GLI3: variants seen among roughly 807,000 people sequenced by gnomAD.
GLI3 encodes GLI family zinc finger 3.
GLI3 carries 20 observed loss-of-function variants against 100.8 expected under a neutral mutation model. The observed-to-expected ratio is 0.20, with a 90% CI of 0.14 to 0.29. The LOEUF (loss-of-function observed/expected upper bound fraction) is 0.29, where lower values mean the gene tolerates loss of function less well. GLI3 is among the 10% of genes least tolerant of loss of function. The pLI is 1.00. For synonymous variants in GLI3, 938 were observed against 860.5 expected (o/e 1.09, Z -1.58); for missense variants, 2,040 against 2,128.5 (o/e 0.96, Z 0.82).
At chr7:42,055,029 A>T (rs1328172838) in intron 4 of GLI3, among the ~76,000 whole-genome samples, 2 of 137,850 alleles carry the variant, frequency 1.5e-5, no homozygotes, top group African/African-American at 5.5e-5. Flanking sequence ...ACATATACAC[A>T]TATATGTATA....
At position 41,965,736 on chromosome 7, in the gene GLI3, G is replaced by A; in HGVS notation, c.3337C>T (p.Pro1113Ser). 2 of 1,613,604 alleles carry A rather than the reference G, an allele frequency of 1.2e-6. No individual in the cohort carries two copies. The highest frequency in any genetic ancestry group is 1.7e-5 in the Admixed American group (1 of 60,024). The change falls in exon 15 of 15, where the codon CCC (proline) becomes TCC (serine). Residue 1113 changes from proline to serine, a missense_variant. Pro to Ser is a moderately conservative substitution (Grantham distance 74, BLOSUM62 -1). Around this residue, in one of 5 missense-constraint regions of GLI3, gnomAD observed 1,041 missense variants for 924.0 expected, o/e 1.13. Coordinates refer to ENST00000395925, the MANE Select transcript of GLI3 (RefSeq NM_000168.6). Reference protein sequence around the residue: ...QNQAGYEQHFPSALPDDSKVP... With the variant: ...QNQAGYEQHFSSALPDDSKVP... ...TTGCTGTCGTCCGGGAGGGCGCTGG[G>A]GAAGTGCTGCTCGTACCCTGCTTGG...
At chr7:42,214,353 G>C (rs1041970561) in intron 2 of GLI3, among the ~76,000 whole-genome samples, 2 of 152,022 alleles carry the variant, frequency 1.3e-5, no homozygotes, top group Non-Finnish European at 2.9e-5. Context: ...AGAGAGCAGG[G>C]AAAGAGATGA....
chr7:41,985,485 C>CTATTACTCTTTAGGTAG (rs1190549323), intron 10 of GLI3, among the ~76,000 whole-genome samples: 2 of 152,004 alleles, frequency 1.3e-5, no homozygotes, highest in South Asian at 4.2e-4. Context: ...TGTTATAAGC[C>CTATTACTCTTTAGGTAG]TATTACTCTT....
chr7:42,041,909 T>G, intron 6 of GLI3, among the ~76,000 whole-genome samples: 1 of 152,188 alleles, frequency 6.6e-6, no homozygotes, highest in East Asian at 1.9e-4. Context: ...CCTACTCAAA[T>G]TTTTCTTTCA....
At chr7:42,006,750 G>A (rs149055872) in intron 10 of GLI3, among the ~76,000 whole-genome samples, 4 of 152,132 alleles carry the variant, frequency 2.6e-5, no homozygotes, top group Non-Finnish European at 4.4e-5. Context: ...GTTTCTCAGG[G>A]GGAGACATTT....
At chr7:42,018,960 C>T (rs991783142) in intron 10 of GLI3, among the ~76,000 whole-genome samples, 1 of 152,144 alleles carries the variant, frequency 6.6e-6, no homozygotes, top group East Asian at 1.9e-4. Context: ...AAGGGCCCTG[C>T]AGGGTTATGC....
intron 3 of GLI3, among the ~76,000 whole-genome samples, chr7:42,138,688 G>A (rs1786488929): frequency 6.6e-6 from 1 of 152,200 alleles, no homozygotes; most frequent in African/African-American, 2.4e-5. Flanking sequence ...CAAACCAGAA[G>A]AAGAGCTGGC....
At chr7:42,174,580 C>T (rs1345297275) in intron 2 of GLI3, among the ~76,000 whole-genome samples, 4 of 152,158 alleles carry the variant, frequency 2.6e-5, no homozygotes, top group Non-Finnish European at 4.4e-5. Flanking sequence ...CTTTGCCCAA[C>T]GAGCTGGGAG....
At chr7:42,181,319 G>C (rs141284580) in intron 2 of GLI3, among the ~76,000 whole-genome samples, 1 of 152,312 alleles carries the variant, frequency 6.6e-6, no homozygotes, top group Non-Finnish European at 1.5e-5. Flanking sequence ...AGAATTTCCA[G>C]GCTAGGCGCG....
chr7:42,137,410 C>T (rs1225093305), intron 3 of GLI3, among the ~76,000 whole-genome samples: 5 of 152,256 alleles, frequency 3.3e-5, no homozygotes, highest in African/African-American at 9.6e-5. Flanking sequence ...CCTACTGTCC[C>T]AACCCCTGGC....
At chr7:42,260,607 A>C (rs1789127896) in intron 1 of GLI3, among the ~76,000 whole-genome samples, 1 of 152,176 alleles carries the variant, frequency 6.6e-6, no homozygotes, top group South Asian at 2.1e-4. Flanking sequence ...TAATTAACAA[A>C]ACAAGTGGTA....
Position 42,026,397 on chromosome 7 carries a change from G to A in GLI3, c.1044C>T (p.Phe348=), listed in dbSNP as rs756958640. 6 of 1,614,074 alleles carry A rather than the reference G, an allele frequency of 3.7e-6. No homozygotes were observed. In the South Asian group the frequency reaches 5.5e-5, roughly 15 times the overall value. ...GAGAGACGGGCGCGGAAGAGTAGGT[G>A]AAGCTCAAGGCAGGGCTGCACGGGG... ...SASAISPALS[F]TYSSAPVSLH... is the part of the protein sequence containing the mutation. The change falls in exon 8 of 15, where the codon TTC becomes TTT. Residue 348 remains phenylalanine, a synonymous_variant. Coordinates refer to ENST00000395925, the MANE Select transcript of GLI3 (RefSeq NM_000168.6).
At chr7:42,194,048 GC>G (rs1396432413) in intron 2 of GLI3, among the ~76,000 whole-genome samples, 2 of 151,958 alleles carry the variant, frequency 1.3e-5, no homozygotes, top group Non-Finnish European at 2.9e-5. Flanking sequence ...TTACTTTTTT[GC>G]CCATGATGAT....
At chr7:41,968,060 G>A in intron 13 of GLI3, 137 bp from the exon 14 acceptor site, 1 of 805,832 alleles carries the variant, frequency 1.2e-6, no homozygotes, top group Non-Finnish European at 2.2e-6. Context: ...ATGTTCTGGT[G>A]AATGGAGCTG....
intron 1 of GLI3, among the ~76,000 whole-genome samples, chr7:42,260,813 A>G (rs1789130132): frequency 6.6e-6 from 1 of 152,146 alleles, no homozygotes; most frequent in East Asian, 1.9e-4. Flanking sequence ...AGCAATCTCA[A>G]TTTTCCTGAT....
chr7:42,133,514 C>A (rs1440112904), intron 3 of GLI3, among the ~76,000 whole-genome samples: 2 of 152,050 alleles, frequency 1.3e-5, no homozygotes, highest in Admixed American at 1.3e-4. Flanking sequence ...AACAGGAGGG[C>A]TGACACTACA....
intron 1 of GLI3, among the ~76,000 whole-genome samples, chr7:42,235,243 G>A (rs895749859): frequency 6.6e-6 from 1 of 151,916 alleles, no homozygotes; most frequent in Non-Finnish European, 1.5e-5. Flanking sequence ...AATCAATAAG[G>A]CACCTATTCA....
chr7:42,135,112 T>C (rs1014470554), intron 3 of GLI3, among the ~76,000 whole-genome samples: 1 of 152,228 alleles, frequency 6.6e-6, no homozygotes, highest in Admixed American at 6.5e-5. Flanking sequence ...CTTGTTGATA[T>C]GCAACTTAAT....
At chr7:41,990,608 C>G (rs1787958452) in intron 10 of GLI3, among the ~76,000 whole-genome samples, 1 of 152,048 alleles carries the variant, frequency 6.6e-6, no homozygotes, top group African/African-American at 2.4e-5. Context: ...ATCATAGTTA[C>G]AATAAAATGT....
Sources: gnomAD v4.1 joint callset for allele counts (sites outside exome capture counted in the v4.1 genomes callset) on GRCh38, gnomAD v4.1.1 for gene constraint, gnomAD v4.1.1 regional missense constraint, MANE v1.5 for transcripts, NCBI Gene and HGNC (gene_info 2026-07-23, HGNC 2026-07-21) for gene names.